Variants in DNAAF9 observed in about 807,000 individuals in gnomAD.
DNAAF9 encodes dynein axonemal assembly factor 9, also known as shulin.
A neutral mutation model predicts 167.0 loss-of-function variants in DNAAF9; 90 were observed. The ratio of observed to expected loss-of-function variants is 0.54; its 90% CI spans 0.45 to 0.64. The LOEUF (loss-of-function observed/expected upper bound fraction) is 0.64, where lower values mean the gene tolerates loss of function less well. Among genes scored for constraint, DNAAF9 ranks in the 30% least tolerant of loss-of-function variants. DNAAF9 has a pLI of 0.00. For synonymous variants in DNAAF9, 491 were observed against 508.8 expected, an observed-to-expected ratio of 0.96 and a Z score of 0.47; for missense variants, 1,315 against 1,442.2, an observed-to-expected ratio of 0.91 and a Z score of 1.43.
chr20:3,270,298 G>A (rs148704274), intron 30 of DNAAF9, 129 bp downstream of exon 30: 31 of 821,484 alleles, frequency 3.8e-5, no homozygotes, highest in African/African-American at 1.7e-4. Flanking sequence ...GCGTGCCACC[G>A]CACCTGGCTC....
At chr20:3,359,321 G>C (rs1030798914) in intron 7 of DNAAF9, among the ~76,000 whole-genome samples, 195 bp downstream of exon 7, 1 of 152,226 alleles carries the variant, frequency 6.6e-6, no homozygotes, top group Non-Finnish European at 1.5e-5. Flanking sequence ...CAGAGTGGAA[G>C]AGGGAGCAGT....
intron 7 of DNAAF9, among the ~76,000 whole-genome samples, chr20:3,359,010 A>G (rs979297019): frequency 1.3e-5 from 2 of 152,198 alleles, no homozygotes; most frequent in Non-Finnish European, 2.9e-5. Context: ...CCATTTGTTT[A>G]AACACTGTCT....
At chr20:3,308,868 C>T (rs1019754336) in intron 20 of DNAAF9, among the ~76,000 whole-genome samples, 1 of 151,994 alleles carries the variant, frequency 6.6e-6, no homozygotes, top group Non-Finnish European at 1.5e-5. Flanking sequence ...ATGACTCCTC[C>T]TCCATGCATA....
chr20:3,358,939 C>T (rs896171906), intron 7 of DNAAF9, among the ~76,000 whole-genome samples: 6 of 152,086 alleles, frequency 3.9e-5, no homozygotes, highest in East Asian at 1.9e-4. Context: ...AATTTCCCCC[C>T]GATCCTGATA....
chr20:3,376,165 C>T lies in DNAAF9; in HGVS notation c.408+13G>A. The T allele has an allele frequency of 6.2e-7, 1 of 1,610,878 alleles. No individual in the cohort carries two copies. The highest frequency in any genetic ancestry group is 1.1e-5 in the South Asian group (1 of 90,136). On this transcript the variant is annotated intron_variant, in intron 4 of 36. Coordinates refer to ENST00000252032, the MANE Select transcript of DNAAF9 (RefSeq NM_001009984.3). ...GAGTGTCTCTAGGTGCCTGTCTTCT[C>T]TTTTCTTCTTACCTCATTTTCGGTC...
At chr20:3,297,084 T>C in intron 22 of DNAAF9, 135 bp from the exon 23 acceptor site, 2 of 637,536 alleles carry the variant, frequency 3.1e-6, no homozygotes, top group Non-Finnish European at 5.6e-6. Flanking sequence ...CAAGTTTGCT[T>C]CAAAAATAGA....
chr20:3,288,689 G>A (rs1600712360), intron 26 of DNAAF9, among the ~76,000 whole-genome samples: 1 of 139,038 alleles, frequency 7.2e-6, no homozygotes, highest in Non-Finnish European at 1.6e-5. Flanking sequence ...CTTACCTTGG[G>A]GTAGACTGAC....
chr20:3,271,212 C>T (rs1442562957), intron 29 of DNAAF9, among the ~76,000 whole-genome samples: 1 of 152,122 alleles, frequency 6.6e-6, no homozygotes, highest in African/African-American at 2.4e-5. Context: ...GGAACTGGTG[C>T]CATTTACCTT....
intron 29 of DNAAF9, among the ~76,000 whole-genome samples, chr20:3,275,601 C>T (rs1418678975): frequency 6.6e-6 from 1 of 152,216 alleles, no homozygotes; most frequent in African/African-American, 2.4e-5. Context: ...CCCCAGCATT[C>T]CTTAGGCCAG....
chr20:3,378,247 G>A (rs1042920193), intron 3 of DNAAF9, among the ~76,000 whole-genome samples: 6 of 152,180 alleles, frequency 3.9e-5, no homozygotes, highest in African/African-American at 1.4e-4. Context: ...TCAGACATCA[G>A]TGTCTAAAGC....
At chr20:3,382,645 G>T in intron 1 of DNAAF9, 139 bp from the exon 2 acceptor site, 1 of 680,236 alleles carries the variant, frequency 1.5e-6, no homozygotes, top group Non-Finnish European at 2.6e-6. Flanking sequence ...TCTGGTTCTG[G>T]TATCAGAACC....
intron 14 of DNAAF9, 89 bp from the exon 15 acceptor site, chr20:3,322,785 C>A: frequency 1.1e-6 from 1 of 914,242 alleles, no homozygotes; most frequent in Admixed American, 1.7e-5. Flanking sequence ...ATTCTCAAGG[C>A]CACACAGTGA....
chr20:3,314,988 A>G, intron 20 of DNAAF9, 45 bp downstream of exon 20: 3 of 1,009,742 alleles, frequency 3.0e-6, no homozygotes, highest in Non-Finnish European at 3.1e-6. Context: ...TCTGCAAATG[A>G]GGGACCCAGA....
rs1231652666 is a variant in DNAAF9 at position 3,329,653 on chromosome 20, A to AT, written c.1100+992dup. On this transcript the variant is annotated intron_variant, in intron 12 of 36. Coordinates refer to ENST00000252032, the MANE Select transcript of DNAAF9 (RefSeq NM_001009984.3). ...TCCTGGGATTGGGCCTGGAGAACCT[A>AT]TATTTTAAAGAGATCTTTAGATAAT... Among the ~76,000 whole-genome samples the AT allele has an allele frequency of 8.9e-4, 136 of 152,344 alleles. 1 individual carries two copies. The highest frequency in any genetic ancestry group is 5.9e-4 in the Non-Finnish European group (40 of 68,028).
At position 3,350,172 on chromosome 20, in the gene DNAAF9, C is replaced by G. The variant is rs552192179; in HGVS notation, c.691-1549G>C. Among the ~76,000 whole-genome samples, 137 of 150,386 alleles carry G rather than the reference C, an allele frequency of 9.1e-4. 4 individuals are homozygous for G. The South Asian group carries it at 0.027, about 30-fold the overall frequency. On this transcript the variant is annotated intron_variant, in intron 7 of 36. Transcript: ENST00000252032. ...AGACACACAGACACACACACACACA[C>G]ACACACACACACACACACAAATTCT...
At chr20:3,401,123 A>C (rs1243991791) in intron 1 of DNAAF9, among the ~76,000 whole-genome samples, 2 of 152,232 alleles carry the variant, frequency 1.3e-5, no homozygotes, top group Non-Finnish European at 2.9e-5. Flanking sequence ...GCAACTAGCT[A>C]AGAAACACCT....
chr20:3,380,785 A>G (rs909096368), intron 3 of DNAAF9, among the ~76,000 whole-genome samples: 5 of 152,222 alleles, frequency 3.3e-5, no homozygotes, highest in African/African-American at 1.2e-4. Context: ...TAAATATGTG[A>G]TATCAGAGAT....
Position 3,315,735 on chromosome 20 carries a change from C to G in DNAAF9, c.1590G>C (p.Arg530Ser). The G allele has an allele frequency of 1.9e-6, 3 of 1,609,596 alleles. No homozygotes were observed. The highest frequency in any genetic ancestry group is 2.6e-6 in the Non-Finnish European group (3 of 1,175,928). ...KLSEKTQQAV[R>S]GDESFLGTYL... Reference sequence around the variant, plus strand: ...CACTGAGAATAAGAAGGCTGCTTACCCTCACTGCTTGCTGGGTTTTCTCAG... The same window carrying G: ...CACTGAGAATAAGAAGGCTGCTTACGCTCACTGCTTGCTGGGTTTTCTCAG... Residue 530 changes from arginine to serine, a missense_variant and splice_region_variant, in exon 19 of 37, where the codon AGG (arginine) becomes AGC (serine). By Grantham distance (110) the Arg-to-Ser change is moderately radical (BLOSUM62 -1). Coordinates refer to ENST00000252032, the MANE Select transcript of DNAAF9 (RefSeq NM_001009984.3). The surrounding 1 kb of genome is among the most constrained non-coding windows in gnomAD (Gnocchi z 4.1).
chr20:3,355,249 A>G (rs895111560), intron 7 of DNAAF9, among the ~76,000 whole-genome samples: 1 of 151,956 alleles, frequency 6.6e-6, no homozygotes, highest in African/African-American at 2.4e-5. Flanking sequence ...TTCTGATGTT[A>G]TTTTTCTTTT....
Sources: allele counts gnomAD v4.1 joint callset (sites outside exome capture counted in the v4.1 genomes callset), GRCh38; gene constraint gnomAD v4.1.1; non-coding constraint Gnocchi (gnomAD v3.1); transcripts MANE v1.5; gene names NCBI Gene and HGNC (gene_info 2026-07-23, HGNC 2026-07-21).